GATA2: variants seen among roughly 807,000 people sequenced by gnomAD.
The protein encoded by GATA2 is GATA binding protein 2.
Under a neutral mutation model 35.7 loss-of-function variants are expected in GATA2, and 6 were observed. The ratio of observed to expected loss-of-function variants is 0.17; its 90% confidence interval spans 0.09 to 0.33. GATA2 has a LOEUF of 0.33. GATA2 is among the 10% of genes least tolerant of loss of function. The pLI is 1.00. For synonymous variants in GATA2, 313 were observed against 274.9 expected (o/e 1.14, Z -1.37); for missense variants, 541 against 656.6 (o/e 0.82, Z 1.92).
chr3:128,487,838 G>C (rs1255046154), intron 1 of GATA2: 1 of 152,412 alleles, frequency 6.6e-6, no homozygotes, highest in Admixed American at 6.5e-5. Context: ...GTAGGAGCTG[G>C]GGGTAGAGTG....
rs2107673491 is a variant in GATA2 at position 128,486,868 on chromosome 3, T to G, written c.164A>C (p.Gln55Pro). Reference sequence around the variant, plus strand: ...GGGGTTGGCATAGTAGGGGTTGCCCTGCGAGTCGAGGTGATTGAAGAAGAC... The same window carrying G: ...GGGGTTGGCATAGTAGGGGTTGCCCGGCGAGTCGAGGTGATTGAAGAAGAC... Reference protein sequence around the residue: ...VDVFFNHLDSQGNPYYANPAH... With the variant: ...VDVFFNHLDSPGNPYYANPAH... The change falls in exon 2 of 6, where the codon CAG becomes CCG. Residue 55 changes from glutamine (Q) to proline (P), a missense_variant. Transcript: ENST00000341105. 1 of 1,612,580 alleles carries G rather than the reference T, an allele frequency of 6.2e-7. No individual in the cohort carries two copies. Among genetic ancestry groups the G allele is most frequent in the African/African-American group, 1.3e-5 (1 of 75,036 alleles).
rs911596363 is a variant in GATA2 at position 128,488,525 on chromosome 3, C to G, written c.-45-1449G>C. On this transcript the variant is annotated intron_variant, in intron 1 of 5. Transcript: ENST00000341105. The surrounding 1 kb of genome is among the most constrained non-coding windows in gnomAD (Gnocchi z 5.8). ...CGCGGCCGCTCAGGGCTGTGCTTGA[C>G]CCAGTGGAGGTGGCCCGGCCGGTGG... 2.0e-5 allele frequency: 3 copies of G among 152,454 alleles called. No individual in the cohort carries two copies. Among genetic ancestry groups the G allele is most frequent in the Non-Finnish European group, 4.4e-5 (3 of 68,278 alleles). The allele number at this position is 152,454 out of a possible 1,614,324, so 9.4% of individuals were successfully genotyped here.
intron 3 of GATA2, 115 bp downstream of exon 3, chr3:128,485,612 T>G: frequency 7.8e-7 from 1 of 1,288,364 alleles, no homozygotes; most frequent in Admixed American, 2.0e-5. Context: ...GAGCGAGACA[T>G]CACCCATCCC....
In GATA2 at chr3:128,488,106, C is replaced by A. The variant is rs2068730895; in HGVS notation, c.-45-1030G>T. On this transcript the variant is annotated intron_variant, in intron 1 of 5. Transcript: ENST00000341105. This position sits in a 1 kb window ranked among gnomAD's most constrained non-coding sequence, Gnocchi z 5.8. ...GGGCCCCCTCCCTGCGCGCTCCTGG[C>A]GGCCCCTGCTGCCAACGCGCCCCAC... is the stretch of plus-strand genomic sequence containing the variant. Among the ~76,000 whole-genome samples, 1 of 152,142 alleles carries A rather than the reference C, an allele frequency of 6.6e-6. No homozygotes were observed. Among genetic ancestry groups the A allele is most frequent in the South Asian group, 2.1e-4 (1 of 4,828 alleles).
At chr3:128,486,560 T>C (rs1006698067) in intron 2 of GATA2, among the ~76,000 whole-genome samples, 192 bp from the exon 3 acceptor site, 1 of 151,678 alleles carries the variant, frequency 6.6e-6, no homozygotes, top group African/African-American at 2.4e-5. Context: ...ACAAGTGGCA[T>C]AGAAGGAACC....
Position 128,481,925 on chromosome 3 carries a change from C to T in GATA2, c.1037G>A (p.Gly346Asp). The T allele has an allele frequency of 6.2e-7, 1 of 1,613,862 alleles. No individual in the cohort carries two copies. Among genetic ancestry groups the T allele is most frequent in the Non-Finnish European group, 8.5e-7 (1 of 1,180,022 alleles). The change falls in exon 5 of 6, where the codon GGC (glycine) becomes GAC (aspartate). Residue 346 changes from glycine to aspartate, a missense_variant. By Grantham distance (94) the Gly-to-Asp change is moderately conservative (BLOSUM62 -1). Around this residue, in one of 5 missense-constraint regions of GATA2, gnomAD observed 19 missense variants for 18.9 expected, o/e 1.00. Transcript: ENST00000341105. ...KRRLSAARRAGTCCANCQTTT... is the reference protein window; with the variant it reads ...KRRLSAARRADTCCANCQTTT... ...CGTCTGACAATTTGCACAACAGGTGCCGGCTCTTCTGGCGGCCGACTGGGA... is the reference window on the plus strand; with the variant it reads ...CGTCTGACAATTTGCACAACAGGTGTCGGCTCTTCTGGCGGCCGACTGGGA...
Position 128,481,283 on chromosome 3 carries a change from G to C in GATA2, c.1179C>G (p.Ile393Met), listed in dbSNP as rs1553770437. Reference sequence around the variant, plus strand: ...TGGACATCTTCCGGTTCCGAGTCTGGATCCCTTCCTTCTTCATGGTCAGTG... The same window carrying C: ...TGGACATCTTCCGGTTCCGAGTCTGCATCCCTTCCTTCTTCATGGTCAGTG... ...NRPLTMKKEG[I>M]QTRNRKMSNK... Residue 393 changes from isoleucine to methionine, a missense_variant, in exon 6 of 6, where the codon ATC becomes ATG. Coordinates refer to ENST00000341105, the MANE Select transcript of GATA2 (RefSeq NM_032638.5). 1 of 1,613,966 alleles carries C rather than the reference G, an allele frequency of 6.2e-7. No individual in the cohort carries two copies. The highest frequency in any genetic ancestry group is 8.5e-7 in the Non-Finnish European group (1 of 1,180,060).
chr3:128,484,438 C>T (rs2068669401), intron 3 of GATA2, among the ~76,000 whole-genome samples: 2 of 152,166 alleles, frequency 1.3e-5, no homozygotes, highest in African/African-American at 4.8e-5. Context: ...TTGTCCCTCT[C>T]CTTTCTACCC....
intron 3 of GATA2, among the ~76,000 whole-genome samples, chr3:128,484,218 C>T (rs73203416): frequency 6.7e-6 from 1 of 148,174 alleles, no homozygotes; most frequent in Non-Finnish European, 1.5e-5. Context: ...AAAGCCAAAT[C>T]CCCTGCTTCC....
intron 4 of GATA2, among the ~76,000 whole-genome samples, chr3:128,482,995 G>C (rs1481092771): frequency 6.6e-6 from 1 of 152,190 alleles, no homozygotes; most frequent in Non-Finnish European, 1.5e-5. Flanking sequence ...CAGCCGCGGG[G>C]GCAGGGAGGG....
In GATA2 at chr3:128,487,081, G is replaced by A. The variant is rs749444952; in HGVS notation, c.-45-5C>T. 3.4e-6 allele frequency: 5 copies of A among 1,457,098 alleles called. No individual in the cohort carries two copies. The highest frequency in any genetic ancestry group is 4.6e-6 in the Non-Finnish European group (5 of 1,081,048). 90.3% of individuals were successfully genotyped at this position (1,457,098 alleles called of 1,614,324 possible). On this transcript the variant is annotated splice_region_variant and splice_polypyrimidine_tract_variant and intron_variant, in intron 1 of 5. Coordinates refer to ENST00000341105, the MANE Select transcript of GATA2 (RefSeq NM_032638.5). ...TGGGTGCAGACGGCAACGGCCCTGC[G>A]CGAGGAAGGGGGAGTGAGGCGTGCC...
At position 128,488,513 on chromosome 3, in the gene GATA2, G is replaced by A. The variant is rs2068736091; in HGVS notation, c.-45-1437C>T. The A allele has an allele frequency of 6.6e-6, 1 of 152,538 alleles. No individual in the cohort carries two copies. The highest frequency in any genetic ancestry group is 1.5e-5 in the Non-Finnish European group (1 of 68,340). 9.4% of individuals were successfully genotyped at this position (152,538 alleles called of 1,614,324 possible). ...GGGCCTCGGACACGCGGCCGCTCAG[G>A]GCTGTGCTTGACCCAGTGGAGGTGG... On this transcript the variant is annotated intron_variant, in intron 1 of 5. Coordinates refer to ENST00000341105, the MANE Select transcript of GATA2 (RefSeq NM_032638.5). The surrounding 1 kb of genome is among the most constrained non-coding windows in gnomAD (Gnocchi z 5.8).
At chr3:128,486,702 C>T in intron 2 of GATA2, 101 bp downstream of exon 2, 1 of 1,220,194 alleles carries the variant, frequency 8.2e-7, no homozygotes, top group Non-Finnish European at 1.2e-6. Context: ...AGCTCGATTC[C>T]TGCGGATCCT....
intron 5 of GATA2, 135 bp downstream of exon 5, chr3:128,481,684 T>A: frequency 9.2e-7 from 1 of 1,089,568 alleles, no homozygotes; most frequent in Non-Finnish European, 1.3e-6. Context: ...CGGGAAGCCC[T>A]TCTGGCGCTC....
intron 3 of GATA2, among the ~76,000 whole-genome samples, chr3:128,485,440 G>C (rs182094153): frequency 2.0e-5 from 3 of 152,324 alleles, no homozygotes; most frequent in African/African-American, 7.2e-5. Flanking sequence ...TTCAGGGAGG[G>C]AAAGGGGGAA....
chr3:128,481,017 C>T lies in GATA2; in HGVS notation c.*2G>A, dbSNP rs756457176. 1.5e-5 allele frequency: 23 copies of T among 1,566,806 alleles called. No homozygotes were observed. The highest frequency in any genetic ancestry group is 1.8e-5 in the Non-Finnish European group (21 of 1,154,664). On this transcript the variant is annotated 3_prime_UTR_variant, in exon 6 of 6. Coordinates refer to ENST00000341105, the MANE Select transcript of GATA2 (RefSeq NM_032638.5). ...GCCCGGTCCTCGACGTCCATCTGTT[C>T]CCTAGCCCATGGCGGTCACCATGCT...
chr3:128,481,736 T>G, intron 5 of GATA2, 83 bp downstream of exon 5: 1 of 1,517,806 alleles, frequency 6.6e-7, no homozygotes, highest in South Asian at 1.2e-5. Flanking sequence ...AGCTGGATAT[T>G]GTGGCTGGGG....
intron 5 of GATA2, 146 bp downstream of exon 5, chr3:128,481,673 A>T: frequency 2.1e-6 from 2 of 971,982 alleles, no homozygotes; most frequent in Non-Finnish European, 3.0e-6. Context: ...CACCCCTCTT[A>T]CGGGAAGCCC....
chr3:128,489,945 G>A (rs1247994959), intron 1 of GATA2: 1 of 152,246 alleles, frequency 6.6e-6, no homozygotes, highest in South Asian at 2.1e-4. Context: ...GACCCAGCGC[G>A]GGAGGCAGAC....
Sources: allele counts gnomAD v4.1 joint callset (sites outside exome capture counted in the v4.1 genomes callset), GRCh38; gene constraint gnomAD v4.1.1; regional missense constraint gnomAD v4.1.1; non-coding constraint Gnocchi (gnomAD v3.1); transcripts MANE v1.5; gene names NCBI Gene and HGNC (gene_info 2026-07-23, HGNC 2026-07-21).